The following APAF1 variants were observed in gnomAD, a reference collection of about 807,000 sequenced individuals.
The protein encoded by APAF1 is apoptotic peptidase activating factor 1, also known as apoptotic protease-activating factor 1.
Under a neutral mutation model 152.4 loss-of-function variants are expected in APAF1, and 91 were observed. That is an observed-to-expected ratio of 0.60 (90% CI 0.50 to 0.71). The LOEUF (loss-of-function observed/expected upper bound fraction) is 0.71, where lower values mean the gene tolerates loss of function less well. APAF1 is among the 30% of genes least tolerant of loss of function. The pLI is 0.00. For synonymous variants in APAF1, 484 were observed against 494.1 expected, an observed-to-expected ratio of 0.98 and a Z score of 0.27; for missense variants, 1,283 against 1,472.0, an observed-to-expected ratio of 0.87 and a Z score of 2.10.
intron 19 of APAF1, among the ~76,000 whole-genome samples, chr12:98,707,179 C>T (rs912610041): frequency 3.3e-5 from 5 of 152,026 alleles, no homozygotes; most frequent in Admixed American, 1.3e-4. Flanking sequence ...TAAATATATA[C>T]TTCTGTTTCT....
At chr12:98,648,865 GTTT>G (rs1245080268) in intron 3 of APAF1, 50 bp downstream of exon 3, 8 of 1,547,876 alleles carry the variant, frequency 5.2e-6, no homozygotes, top group Non-Finnish European at 6.2e-6. Flanking sequence ...ATTGCTTTGG[GTTT>G]GTCTTATTGT....
At chr12:98,702,915 G>T (rs753853817) in intron 17 of APAF1, among the ~76,000 whole-genome samples, 17 of 151,710 alleles carry the variant, frequency 1.1e-4, no homozygotes, top group East Asian at 1.9e-4. Context: ...ACAGGAAAAT[G>T]ATTGACTATA....
Position 98,665,609 on chromosome 12 carries a change from T to C in APAF1, c.1012T>C (p.Trp338Arg). The C allele has an allele frequency of 6.2e-7, 1 of 1,614,010 alleles. No individual in the cohort carries two copies. The highest frequency in any genetic ancestry group is 8.5e-7 in the Non-Finnish European group (1 of 1,179,992). ...ACTTTTACGTGATTTTCCCAATCGC[T>C]GGGAGTACTACCTCAAACAGCTTCA... Reference protein sequence around the residue: ...GALLRDFPNRWEYYLKQLQNK... With the variant: ...GALLRDFPNRREYYLKQLQNK... Residue 338 changes from tryptophan to arginine, a missense_variant, in exon 8 of 27, where the codon TGG (tryptophan) becomes CGG (arginine). Transcript: ENST00000551964.
chr12:98,705,001 C>G (rs2097719860), intron 18 of APAF1, among the ~76,000 whole-genome samples: 1 of 151,960 alleles, frequency 6.6e-6, no homozygotes, highest in Non-Finnish European at 1.5e-5. Context: ...CCAGGGTGGT[C>G]TCGAATTCCT....
intron 4 of APAF1, among the ~76,000 whole-genome samples, chr12:98,653,740 T>A (rs1468859794): frequency 2.3e-5 from 3 of 132,308 alleles, no homozygotes; most frequent in Admixed American, 8.1e-5. Context: ...TAACTATTTA[T>A]GTCTATACAG....
At chr12:98,688,554 C>T (rs1385180443) in intron 16 of APAF1, among the ~76,000 whole-genome samples, 1 of 148,222 alleles carries the variant, frequency 6.7e-6, no homozygotes, top group Non-Finnish European at 1.5e-5. Context: ...TCACTGCAGC[C>T]TTCACTTCTG....
chr12:98,670,358 G>A (rs188326364), intron 10 of APAF1, among the ~76,000 whole-genome samples: 2 of 152,144 alleles, frequency 1.3e-5, no homozygotes, highest in Admixed American at 1.3e-4. Flanking sequence ...TGTGCTTTTT[G>A]TTTTGTGAAT....
intron 17 of APAF1, among the ~76,000 whole-genome samples, chr12:98,702,135 G>A (rs2097716112): frequency 6.6e-6 from 1 of 151,782 alleles, no homozygotes; most frequent in African/African-American, 2.4e-5. Context: ...GCGCTATCTC[G>A]GTTCACTGCA....
chr12:98,683,357 T>A, intron 15 of APAF1, 83 bp downstream of exon 15: 1 of 1,327,148 alleles, frequency 7.5e-7, no homozygotes, highest in Non-Finnish European at 1.1e-6. Context: ...TGTATACTAC[T>A]ATTAGGACTT....
At chr12:98,665,276 ATAT>A (rs1270499973) in intron 7 of APAF1, among the ~76,000 whole-genome samples, 172 of 67,842 alleles carry the variant, frequency 2.5e-3, no homozygotes, top group East Asian at 6.3e-3. Context: ...ATATATATAT[ATAT>A]TTTTTTTTTT....
Position 98,677,335 on chromosome 12 carries a change from G to A in APAF1, c.1794-90G>A, listed in dbSNP as rs1016797410. The A allele has an allele frequency of 5.8e-6, 8 of 1,369,272 alleles. No individual in the cohort carries two copies. The Admixed American group carries it at 1.1e-4, about 19-fold the overall frequency. 84.8% of individuals were successfully genotyped at this position (1,369,272 alleles called of 1,614,324 possible). ...TTTGTATTTTGGGGAACATAACCAT[G>A]TTAAAAGACAGTTTATTTTAGTACT... On this transcript the variant is annotated intron_variant, in intron 12 of 26. Coordinates refer to ENST00000551964, the MANE Select transcript of APAF1 (RefSeq NM_181861.2).
chr12:98,690,536 T>C (rs189810553), intron 16 of APAF1, among the ~76,000 whole-genome samples: 2 of 152,334 alleles, frequency 1.3e-5, no homozygotes, highest in African/African-American at 4.8e-5. Context: ...TTATCTCCTT[T>C]GCTAATTCCA....
At position 98,668,641 on chromosome 12, in the gene APAF1, G is replaced by A. The variant is rs150786881; in HGVS notation, c.1494+997G>A. Among the ~76,000 whole-genome samples the A allele has an allele frequency of 6.6e-3, 1,011 of 152,238 alleles. 5 individuals carry two copies. The highest frequency in any genetic ancestry group is 0.022 in the African/African-American group (932 of 41,542). On this transcript the variant is annotated intron_variant, in intron 10 of 26. Coordinates refer to ENST00000551964, the MANE Select transcript of APAF1 (RefSeq NM_181861.2). ...CTTATGGGTTTGGTATGCATTATAC[G>A]AGAAAGAGAAGAATCAAAGATGACT...
intron 19 of APAF1, 56 bp downstream of exon 19, chr12:98,706,666 C>T: frequency 1.2e-6 from 2 of 1,602,310 alleles, no homozygotes; most frequent in Non-Finnish European, 1.7e-6. Flanking sequence ...GCTAAACCTC[C>T]TACAAACTAA....
At chr12:98,683,410 G>C in intron 15 of APAF1, 136 bp downstream of exon 15, 1 of 894,236 alleles carries the variant, frequency 1.1e-6, no homozygotes, top group Non-Finnish European at 1.7e-6. Flanking sequence ...ATTAGCTGAA[G>C]CAAAAAAAAA....
At chr12:98,708,409 C>T (rs1037488932) in intron 19 of APAF1, among the ~76,000 whole-genome samples, 176 bp from the exon 20 acceptor site, 1 of 152,216 alleles carries the variant, frequency 6.6e-6, no homozygotes, top group African/African-American at 2.4e-5. Context: ...ACTCTTAATA[C>T]TAACTGCATC....
intron 25 of APAF1, chr12:98,726,767 C>G (rs2097751172): frequency 6.5e-6 from 1 of 154,278 alleles, no homozygotes; most frequent in African/African-American, 2.4e-5. Flanking sequence ...TTTGTTGGTA[C>G]ATTAAAAAAA....
intron 2 of APAF1, 38 bp downstream of exon 2, chr12:98,648,535 T>G (rs764496783): frequency 2.5e-6 from 4 of 1,609,424 alleles, no homozygotes; most frequent in East Asian, 4.5e-5. Flanking sequence ...TCCTTAAAAA[T>G]TTTTAGAATT....
chr12:98,689,726 G>A (rs2097702208), intron 16 of APAF1, among the ~76,000 whole-genome samples: 1 of 152,130 alleles, frequency 6.6e-6, no homozygotes, highest in African/African-American at 2.4e-5. Flanking sequence ...CCAAAGTACT[G>A]GGATCACAGA....
Sources: gnomAD v4.1 joint callset for allele counts (sites outside exome capture counted in the v4.1 genomes callset) on GRCh38, gnomAD v4.1.1 for gene constraint, MANE v1.5 for transcripts, NCBI Gene and HGNC (gene_info 2026-07-23, HGNC 2026-07-21) for gene names.